The following AKAP6 variants were observed in gnomAD, a reference collection of about 807,000 sequenced individuals.
The protein encoded by AKAP6 is A-kinase anchor protein 6.
A neutral mutation model predicts 188.5 loss-of-function variants in AKAP6; 58 were observed. That is an observed-to-expected ratio of 0.31 (90% CI 0.25 to 0.38). The LOEUF is 0.38. Among genes scored for constraint, AKAP6 ranks in the 10% least tolerant of loss-of-function variants. The pLI is 1.00. For synonymous variants in AKAP6, 989 were observed against 998.6 expected, an observed-to-expected ratio of 0.99 and a Z score of 0.18; for missense variants, 2,710 against 2,740.0, an observed-to-expected ratio of 0.99 and a Z score of 0.24.
At chr14:32,668,116 G>A (rs1048200289) in intron 7 of AKAP6, among the ~76,000 whole-genome samples, 3 of 152,114 alleles carry the variant, frequency 2.0e-5, no homozygotes, top group African/African-American at 7.2e-5. Flanking sequence ...ATGTCATTGT[G>A]CAGAGATTTG....
chr14:32,565,221 T>C (rs1025769284), intron 4 of AKAP6, among the ~76,000 whole-genome samples: 3 of 152,214 alleles, frequency 2.0e-5, no homozygotes, highest in Non-Finnish European at 1.5e-5. Flanking sequence ...ATTAAATGCT[T>C]CAACTGATTA....
chr14:32,685,775 C>G (rs1425949664), intron 8 of AKAP6, among the ~76,000 whole-genome samples: 1 of 146,590 alleles, frequency 6.8e-6, no homozygotes. Flanking sequence ...GGCTTTTATT[C>G]AAGTCAGGCA....
chr14:32,698,547 T>C (rs1420173126), intron 9 of AKAP6, among the ~76,000 whole-genome samples: 1 of 152,100 alleles, frequency 6.6e-6, no homozygotes, highest in Non-Finnish European at 1.5e-5. Context: ...AATTTTTTTT[T>C]AGTTTGTGGG....
intron 1 of AKAP6, among the ~76,000 whole-genome samples, chr14:32,419,854 C>A (rs1252722860): frequency 6.6e-6 from 1 of 151,730 alleles, no homozygotes; most frequent in African/African-American, 2.4e-5. Flanking sequence ...CCAAGTTGTA[C>A]CCCACCCAGT....
At chr14:32,472,885 G>C (rs917383668) in intron 2 of AKAP6, among the ~76,000 whole-genome samples, 1 of 144,194 alleles carries the variant, frequency 6.9e-6, no homozygotes, top group Non-Finnish European at 1.6e-5. Flanking sequence ...ATGGCTGTTT[G>C]TATTAAAGGA....
In AKAP6 at chr14:32,836,053, A is replaced by C. The variant is rs1008805946; in HGVS notation, c.*6248A>C. 10 of 152,242 alleles carry C rather than the reference A, an allele frequency of 6.6e-5. No individual in the cohort carries two copies. Among genetic ancestry groups the C allele is most frequent in the African/African-American group, 2.4e-4 (10 of 41,458 alleles). The allele number at this position is 152,242 out of a possible 1,614,324, so 9.4% of individuals were successfully genotyped here. ...TCTCACCAAAGCAGAAATTACGCAG[A>C]GCTTATTTGTCCTTGCATTTTGAAG... is the stretch of plus-strand genomic sequence containing the variant. On this transcript the variant is annotated 3_prime_UTR_variant, in exon 14 of 14. Coordinates refer to ENST00000280979, the MANE Select transcript of AKAP6 (RefSeq NM_004274.5).
intron 11 of AKAP6, among the ~76,000 whole-genome samples, chr14:32,753,424 C>T (rs1249645507): frequency 2.6e-5 from 4 of 152,050 alleles, no homozygotes; most frequent in African/African-American, 7.2e-5. Flanking sequence ...GGATATTAAC[C>T]CCTTATCAGA....
chr14:32,540,154 CT>C, intron 3 of AKAP6, among the ~76,000 whole-genome samples: 1 of 116,348 alleles, frequency 8.6e-6, no homozygotes, highest in South Asian at 2.7e-4. Context: ...CTCTCTCTCT[CT>C]CTCTCTCTCT....
At position 32,437,782 on chromosome 14, in the gene AKAP6, T is replaced by C. The variant is rs975456516; in HGVS notation, c.324+3965T>C. On this transcript the variant is annotated intron_variant, in intron 2 of 13. Transcript: ENST00000280979. ...CAGCTAATGTTTGTATTTTGTGTAG[T>C]AGAGATGGGATTTCACCATGTTGCC... is the stretch of plus-strand genomic sequence containing the variant. Among the ~76,000 whole-genome samples, 5 of 152,224 alleles carry C rather than the reference T, an allele frequency of 3.3e-5. No homozygotes were observed. The East Asian group carries it at 9.7e-4, about 29-fold the overall frequency.
chr14:32,443,601 C>T (rs2138746662), intron 2 of AKAP6, among the ~76,000 whole-genome samples: 1 of 152,292 alleles, frequency 6.6e-6, no homozygotes, highest in South Asian at 2.1e-4. Context: ...TTGGATACAT[C>T]TTGCTTGTTC....
rs990074186 is a variant in AKAP6, at chr14:32,577,320, C to A, written c.2469+78C>A. On this transcript the variant is annotated intron_variant, in intron 5 of 13. Transcript: ENST00000280979. ...CTGCTTGTTTGTTTATGAGAAATAT[C>A]AATTTTATTTATCAAAGGTTACTAT... 3 of 1,543,596 alleles carry A rather than the reference C, an allele frequency of 1.9e-6. No homozygotes were observed. In the South Asian group the frequency reaches 3.7e-5, roughly 19 times the overall value.
At chr14:32,642,087 A>G (rs1307603146) in intron 7 of AKAP6, among the ~76,000 whole-genome samples, 1 of 152,214 alleles carries the variant, frequency 6.6e-6, no homozygotes, top group African/African-American at 2.4e-5. Flanking sequence ...ATAAAAGGCT[A>G]GTAATCTAAT....
intron 5 of AKAP6, among the ~76,000 whole-genome samples, chr14:32,591,173 G>A (rs1885470399): frequency 6.6e-6 from 1 of 152,176 alleles, no homozygotes; most frequent in Admixed American, 6.5e-5. Context: ...AGGGGGTAGA[G>A]AAATATTTGG....
At chr14:32,636,581 G>T (rs1371433887) in intron 7 of AKAP6, among the ~76,000 whole-genome samples, 4 of 152,058 alleles carry the variant, frequency 2.6e-5, no homozygotes, top group Non-Finnish European at 5.9e-5. Flanking sequence ...TGAGTGCAGT[G>T]TGGTAAGTCA....
At chr14:32,444,538 C>T (rs1184497548) in intron 2 of AKAP6, among the ~76,000 whole-genome samples, 2 of 152,130 alleles carry the variant, frequency 1.3e-5, no homozygotes, top group Non-Finnish European at 2.9e-5. Context: ...TTCTGTGATA[C>T]TTTAATGCAC....
chr14:32,802,399 A>G (rs2033974740), intron 12 of AKAP6, among the ~76,000 whole-genome samples: 1 of 152,226 alleles, frequency 6.6e-6, no homozygotes, highest in Non-Finnish European at 1.5e-5. Flanking sequence ...CAAGTGATTC[A>G]CAAAGTAATA....
intron 5 of AKAP6, among the ~76,000 whole-genome samples, chr14:32,590,651 T>A (rs892362927): frequency 6.6e-6 from 1 of 152,154 alleles, no homozygotes; most frequent in African/African-American, 2.4e-5. Flanking sequence ...TTTCTAGGTA[T>A]TGTTTGGTAT....
chr14:32,385,618 CGTCA>C (rs570178511), intron 1 of AKAP6, among the ~76,000 whole-genome samples: 2 of 151,490 alleles, frequency 1.3e-5, no homozygotes, highest in East Asian at 3.9e-4. Context: ...GCCTTTGCAT[CGTCA>C]TAGCTTTGCA....
At chr14:32,719,297 C>T (rs996298300) in intron 9 of AKAP6, among the ~76,000 whole-genome samples, 5 of 152,166 alleles carry the variant, frequency 3.3e-5, no homozygotes, top group Non-Finnish European at 7.4e-5. Context: ...CTGGGTGCAG[C>T]CTCTCAGTGC....
Sources: gnomAD v4.1 joint callset for allele counts (sites outside exome capture counted in the v4.1 genomes callset) on GRCh38, gnomAD v4.1.1 for gene constraint, MANE v1.5 for transcripts, NCBI Gene and HGNC (gene_info 2026-07-23, HGNC 2026-07-21) for gene names.